The following SMIM12 variants were observed in gnomAD, a reference collection of about 807,000 sequenced individuals.
SMIM12 encodes small integral membrane protein 12, also known as UPF0767 protein C1orf212.
SMIM12 carries 5 observed loss-of-function variants against 6.3 expected under a neutral mutation model. That is an observed-to-expected ratio of 0.80 (90% CI 0.42 to 1.68). SMIM12 has a LOEUF of 1.68. SMIM12 is among the 40% of genes most tolerant of loss of function. The pLI is 0.02. For synonymous variants in SMIM12, 51 were observed against 48.0 expected, an observed-to-expected ratio of 1.06 and a Z score of -0.26; for missense variants, 103 against 121.4, an observed-to-expected ratio of 0.85 and a Z score of 0.71.
rs1415445679 is a variant in SMIM12 at position 34,851,070 on chromosome 1, C to G, written c.*4629G>C. 1 of 152,248 alleles carries G rather than the reference C, an allele frequency of 6.6e-6. No homozygotes were observed. The highest frequency in any genetic ancestry group is 6.5e-5 in the Admixed American group (1 of 15,282). 9.4% of individuals were successfully genotyped at this position (152,248 alleles called of 1,614,324 possible). A position where few individuals can be genotyped will look rare whatever the true frequency, so the allele number is the denominator to read the frequency against. On this transcript the variant is annotated 3_prime_UTR_variant, in exon 2 of 2. Transcript: ENST00000521580. The stretch of plus-strand genomic sequence containing the variant: ...ACCTCACCAGGGTCACAAGGATACA[C>G]ACAACTATTGCAGGAAACATAGGTT...
chr1:34,856,642 T>G (rs931437714), intron 1 of SMIM12: 6 of 152,200 alleles, frequency 3.9e-5, no homozygotes, highest in Admixed American at 2.6e-4. Flanking sequence ...CTCTGCTCTA[T>G]GAAATTTCTC....
rs1029622792 is a variant in SMIM12, at chr1:34,852,452, T to C, written c.*3247A>G. 7.8e-6 allele frequency among the ~76,000 whole-genome samples: 1 copy of C among 128,806 alleles called. No individual in the cohort carries two copies. Among genetic ancestry groups the C allele is most frequent in the Non-Finnish European group, 1.6e-5 (1 of 63,580 alleles). The allele number at this position is 128,806 out of a possible 152,430, so 84.5% of individuals were successfully genotyped here. ...CTGGGATCTAATATTTGTAACAAGT[T>C]GTTAGATCGCCAAAAAAAAAAAAAA... is the stretch of plus-strand genomic sequence containing the variant. On this transcript the variant is annotated 3_prime_UTR_variant, in exon 2 of 2. Transcript: ENST00000521580.
rs1046089706 is a variant in SMIM12, at chr1:34,859,710, C to T, written c.-39G>A. The T allele has an allele frequency of 1.1e-4, 17 of 152,352 alleles. No homozygotes were observed. Among genetic ancestry groups the T allele is most frequent in the African/African-American group, 4.1e-4 (17 of 41,448 alleles). The allele number at this position is 152,352 out of a possible 1,614,324, so 9.4% of individuals were successfully genotyped here. A position where few individuals can be genotyped will look rare whatever the true frequency, so the allele number is the denominator to read the frequency against. Reference sequence around the variant, plus strand: ...CAGCCCACACTCCCCAGTGCGGCCCCCGCTCTCCGCCCGCTCGCCGGGAGC... The same window carrying T: ...CAGCCCACACTCCCCAGTGCGGCCCTCGCTCTCCGCCCGCTCGCCGGGAGC... On this transcript the variant is annotated 5_prime_UTR_variant, in exon 1 of 2. Coordinates refer to ENST00000521580, the MANE Select transcript of SMIM12 (RefSeq NM_138428.6).
In SMIM12 at chr1:34,855,325, G is replaced by C. The variant is rs1293690768; in HGVS notation, c.*374C>G. The C allele has an allele frequency of 5.0e-6, 7 of 1,402,920 alleles. No homozygotes were observed. The highest frequency in any genetic ancestry group is 6.7e-6 in the Non-Finnish European group (7 of 1,045,466). The allele number at this position is 1,402,920 out of a possible 1,614,324, so 86.9% of individuals were successfully genotyped here. On this transcript the variant is annotated 3_prime_UTR_variant, in exon 2 of 2. Transcript: ENST00000521580. ...TTCTTTCCAGTGCAGACTGGAACTAGACATGCAGGTATCCCTCCTAAAGGC... is the reference window on the plus strand; with the variant it reads ...TTCTTTCCAGTGCAGACTGGAACTACACATGCAGGTATCCCTCCTAAAGGC...
rs532421406 is a variant in SMIM12 at position 34,854,778 on chromosome 1, T to C, written c.*921A>G. 6.2e-6 allele frequency: 1 copy of C among 161,524 alleles called. No homozygotes were observed. The highest frequency in any genetic ancestry group is 2.4e-5 in the African/African-American group (1 of 41,508). 10.0% of individuals were successfully genotyped at this position (161,524 alleles called of 1,614,324 possible). A position where few individuals can be genotyped will look rare whatever the true frequency, so the allele number is the denominator to read the frequency against. ...TACCAAATTTTCTTGAATGTGCGTA[T>C]ATACTTTTATAGGGAAAGGCGTCTA... On this transcript the variant is annotated 3_prime_UTR_variant, in exon 2 of 2. Coordinates refer to ENST00000521580, the MANE Select transcript of SMIM12 (RefSeq NM_138428.6).
chr1:34,858,680 A>G (rs1404833649), intron 1 of SMIM12: 1 of 152,258 alleles, frequency 6.6e-6, no homozygotes, highest in Non-Finnish European at 1.5e-5. Context: ...AACCTGTCTT[A>G]AAACATATCG....
At chr1:34,856,204 C>T (rs958791226) in intron 1 of SMIM12, among the ~76,000 whole-genome samples, 6 of 152,056 alleles carry the variant, frequency 3.9e-5, no homozygotes, top group Non-Finnish European at 4.4e-5. Flanking sequence ...CTCAGCCTCC[C>T]AAGTAGCTGG....
chr1:34,856,031 C>A, intron 1 of SMIM12, 49 bp from the exon 2 acceptor site: 1 of 1,493,602 alleles, frequency 6.7e-7, no homozygotes, highest in Non-Finnish European at 9.0e-7. Flanking sequence ...TCATCTCCCA[C>A]CAAATAAGAG....
At chr1:34,857,938 G>C (rs1638704645) in intron 1 of SMIM12, 1 of 152,174 alleles carries the variant, frequency 6.6e-6, no homozygotes, top group South Asian at 2.1e-4. Flanking sequence ...ACTCCTGTGA[G>C]AATCTAATGC....
chr1:34,854,432 C>T lies in SMIM12; in HGVS notation c.*1267G>A, dbSNP rs1638574396. Reference sequence around the variant, plus strand: ...CAAAAAAATAAAAAAATTAGCTGGGCATGGTGGCATACTCCTGTAGTCCCA... The same window carrying T: ...CAAAAAAATAAAAAAATTAGCTGGGTATGGTGGCATACTCCTGTAGTCCCA... On this transcript the variant is annotated 3_prime_UTR_variant, in exon 2 of 2. Transcript: ENST00000521580. 6.6e-6 allele frequency: 1 copy of T among 152,072 alleles called. No homozygotes were observed. Among genetic ancestry groups the T allele is most frequent in the Non-Finnish European group, 1.5e-5 (1 of 68,092 alleles). The allele number at this position is 152,072 out of a possible 1,614,324, so 9.4% of individuals were successfully genotyped here.
intron 1 of SMIM12, chr1:34,857,096 G>GA (rs60732968): frequency 6.7e-4 from 92 of 136,748 alleles, no homozygotes; most frequent in Middle Eastern, 3.9e-3. Flanking sequence ...TCCGTCTCAA[G>GA]AAAAAAAAAA....
intron 1 of SMIM12, chr1:34,857,472 G>A (rs1638690876): frequency 6.6e-6 from 1 of 152,178 alleles, no homozygotes; most frequent in Non-Finnish European, 1.5e-5. Context: ...TGGGCTAGGT[G>A]CTTCATATAC....
chr1:34,856,083 A>ATT (rs11383879), intron 1 of SMIM12, 101 bp from the exon 2 acceptor site: 145,924 of 1,020,438 alleles, frequency 0.14, 2,349 homozygotes, highest in African/African-American at 0.29. Flanking sequence ...GCCTGGCACA[A>ATT]TTTTTTTTTT....
At chr1:34,857,107 A>T (rs1343158474) in intron 1 of SMIM12, 1 of 152,110 alleles carries the variant, frequency 6.6e-6, no homozygotes, top group Non-Finnish European at 1.5e-5. Flanking sequence ...AAAAAAAAAA[A>T]AATCCTATCT....
intron 1 of SMIM12, chr1:34,857,443 G>C (rs899143066): frequency 1.3e-5 from 2 of 152,118 alleles, no homozygotes; most frequent in African/African-American, 4.8e-5. Context: ...CATTTATTGA[G>C]CACTTACATG....
In SMIM12 at chr1:34,852,035, T is replaced by C. The variant is rs1292427075; in HGVS notation, c.*3664A>G. ...TCACCCGAGCAGAGGCAAGAGCACA[T>C]ATACTATCTTACAGCCACCGCAACG... is the stretch of plus-strand genomic sequence containing the variant. On this transcript the variant is annotated 3_prime_UTR_variant, in exon 2 of 2. Coordinates refer to ENST00000521580, the MANE Select transcript of SMIM12 (RefSeq NM_138428.6). Among the ~76,000 whole-genome samples, 1 of 152,208 alleles carries C rather than the reference T, an allele frequency of 6.6e-6. No homozygotes were observed. Among genetic ancestry groups the C allele is most frequent in the Non-Finnish European group, 1.5e-5 (1 of 68,038 alleles).
chr1:34,859,138 G>C (rs1490652117), intron 1 of SMIM12: 1 of 152,260 alleles, frequency 6.6e-6, no homozygotes, highest in Admixed American at 6.5e-5. Context: ...AGAGGCAAAA[G>C]TGTCTGAAAA....
At position 34,853,416 on chromosome 1, in the gene SMIM12, G is replaced by T. The variant is rs1451316982; in HGVS notation, c.*2283C>A. 1 of 152,210 alleles carries T rather than the reference G, an allele frequency of 6.6e-6. No homozygotes were observed. Among genetic ancestry groups the T allele is most frequent in the Non-Finnish European group, 1.5e-5 (1 of 68,042 alleles). The allele number at this position is 152,210 out of a possible 1,614,324, so 9.4% of individuals were successfully genotyped here. A position where few individuals can be genotyped will look rare whatever the true frequency, so the allele number is the denominator to read the frequency against. ...AGCCTTACCAGCAACGTCTTCAGTG[G>T]TAAGATTTAGTAGAAACTCCTAGAG... On this transcript the variant is annotated 3_prime_UTR_variant, in exon 2 of 2. Coordinates refer to ENST00000521580, the MANE Select transcript of SMIM12 (RefSeq NM_138428.6).
chr1:34,850,532 G>T lies in SMIM12; in HGVS notation c.*5167C>A, dbSNP rs1372341829. ...ATACTATAAAATACGCTCTGTACAGGAAAGAAATAATAGCACATGTATTTG... is the reference window on the plus strand; with the variant it reads ...ATACTATAAAATACGCTCTGTACAGTAAAGAAATAATAGCACATGTATTTG... On this transcript the variant is annotated 3_prime_UTR_variant, in exon 2 of 2. Coordinates refer to ENST00000521580, the MANE Select transcript of SMIM12 (RefSeq NM_138428.6). Among the ~76,000 whole-genome samples the T allele has an allele frequency of 6.6e-6, 1 of 152,064 alleles. No individual in the cohort carries two copies. Among genetic ancestry groups the T allele is most frequent in the Non-Finnish European group, 1.5e-5 (1 of 68,012 alleles).
Sources: allele counts gnomAD v4.1 joint callset (sites outside exome capture counted in the v4.1 genomes callset), GRCh38; gene constraint gnomAD v4.1.1; transcripts MANE v1.5; gene names NCBI Gene and HGNC (gene_info 2026-07-23, HGNC 2026-07-21).